Variants in GDPD4 observed in about 807,000 individuals in gnomAD.
GDPD4 encodes glycerophosphodiester phosphodiesterase 6.
A neutral mutation model predicts 67.8 loss-of-function variants in GDPD4; 60 were observed. The ratio of observed to expected loss-of-function variants is 0.88; its 90% CI spans 0.72 to 1.10. The LOEUF (loss-of-function observed/expected upper bound fraction) is 1.10. Ranked by LOEUF, GDPD4 falls within the 50% of genes least tolerant of loss-of-function variation. GDPD4 has a pLI of 0.00. For missense variants in GDPD4, 623 were observed against 613.9 expected, an observed-to-expected ratio of 1.01 and a Z score of -0.16; for synonymous variants, 212 against 210.9, an observed-to-expected ratio of 1.00 and a Z score of -0.04.
At chr11:77,233,310 C>T (rs919665982) in intron 13 of GDPD4, 138 bp from the exon 14 acceptor site, 11 of 726,842 alleles carry the variant, frequency 1.5e-5, no homozygotes, top group East Asian at 5.2e-5. Flanking sequence ...ATTCATGATA[C>T]GATGTGACAG....
At chr11:77,271,811 C>T (rs777428737) in intron 5 of GDPD4, among the ~76,000 whole-genome samples, 23 of 152,170 alleles carry the variant, frequency 1.5e-4, no homozygotes, top group Admixed American at 2.6e-4. Flanking sequence ...GCCTTTTCAA[C>T]GTCCGTTTTC....
chr11:77,246,135 A>G (rs1958780952), intron 11 of GDPD4, among the ~76,000 whole-genome samples: 1 of 152,180 alleles, frequency 6.6e-6, no homozygotes, highest in Non-Finnish European at 1.5e-5. Context: ...AAAAATTTTA[A>G]AATAGCTGGG....
chr11:77,296,787 C>T (rs1591587042), intron 1 of GDPD4, among the ~76,000 whole-genome samples: 1 of 151,298 alleles, frequency 6.6e-6, no homozygotes, highest in African/African-American at 2.4e-5. Flanking sequence ...TGGCCGGGTG[C>T]GGTGGCTCAT....
intron 11 of GDPD4, 72 bp from the exon 12 acceptor site, chr11:77,245,574 C>G (rs1216514830): frequency 2.0e-5 from 20 of 991,522 alleles, no homozygotes; most frequent in Non-Finnish European, 3.1e-5. Flanking sequence ...ACACATCCAG[C>G]TCTACCTCAG....
chr11:77,268,734 A>G (rs1959190901), intron 9 of GDPD4, among the ~76,000 whole-genome samples, 190 bp downstream of exon 9: 1 of 152,220 alleles, frequency 6.6e-6, no homozygotes. Flanking sequence ...CACTGGGCAC[A>G]GTAAAGAGAA....
intron 1 of GDPD4, among the ~76,000 whole-genome samples, chr11:77,290,187 C>G: frequency 6.6e-6 from 1 of 152,172 alleles, no homozygotes; most frequent in African/African-American, 2.4e-5. Context: ...AGAAACCAGT[C>G]AGACTAATAG....
At chr11:77,247,654 A>G (rs1385175062) in intron 11 of GDPD4, among the ~76,000 whole-genome samples, 2 of 152,226 alleles carry the variant, frequency 1.3e-5, no homozygotes, top group Non-Finnish European at 2.9e-5. Flanking sequence ...TGGTTCCTCA[A>G]ATAAAAATAA....
Position 77,297,531 on chromosome 11 carries a change from G to A in GDPD4, c.-254+4074C>T, listed in dbSNP as rs530707860. 2.9e-5 allele frequency among the ~76,000 whole-genome samples: 4 copies of A among 140,098 alleles called. No homozygotes were observed. In the East Asian group the frequency reaches 6.3e-4, roughly 22 times the overall value. The allele number at this position is 140,098 out of a possible 152,430, so 91.9% of individuals were successfully genotyped here. A position where few individuals can be genotyped will look rare whatever the true frequency, so the allele number is the denominator to read the frequency against. ...AGCCTGGACGACAGAGCGAGACTCC[G>A]TCTCAGAAAAAAAAAAAAAAAAAAG... On this transcript the variant is annotated intron_variant, in intron 1 of 16. Transcript: ENST00000315938.
At chr11:77,269,628 GGTT>G in intron 8 of GDPD4, among the ~76,000 whole-genome samples, 1 of 152,144 alleles carries the variant, frequency 6.6e-6, no homozygotes, top group South Asian at 2.1e-4. Context: ...CAACCTTATA[GGTT>G]GTTATGACAG....
rs2135888180 is a variant in GDPD4, at chr11:77,285,090, A to C, written c.48T>G (p.Phe16Leu). ...WIETSSEYFN[F>L]DWVTFLGTGY... ...CTACAAAAAGTGAAACTCACCAGTC[A>C]AAGTTAAAGTATTCACTGGATGTTT... is the stretch of plus-strand genomic sequence containing the variant. The change falls in exon 3 of 17, where the codon TTT becomes TTG. Residue 16 changes from phenylalanine to leucine, a missense_variant. Phe to Leu is a conservative substitution (Grantham distance 22). Transcript: ENST00000315938. 1 of 1,610,632 alleles carries C rather than the reference A, an allele frequency of 6.2e-7. No homozygotes were observed. The highest frequency in any genetic ancestry group is 1.3e-5 in the African/African-American group (1 of 74,944).
chr11:77,244,921 T>A (rs746296327), intron 12 of GDPD4, among the ~76,000 whole-genome samples: 2 of 152,204 alleles, frequency 1.3e-5, no homozygotes, highest in Non-Finnish European at 2.9e-5. Flanking sequence ...ATATCATTCA[T>A]CATGCCAAGT....
At chr11:77,252,310 C>T (rs989340422) in intron 11 of GDPD4, among the ~76,000 whole-genome samples, 2 of 151,930 alleles carry the variant, frequency 1.3e-5, no homozygotes, top group African/African-American at 2.4e-5. Context: ...GTGATCCAGC[C>T]GCCTCGGCCT....
At chr11:77,232,467 C>A (rs12287216) in intron 14 of GDPD4, among the ~76,000 whole-genome samples, 1 of 152,134 alleles carries the variant, frequency 6.6e-6, no homozygotes, top group South Asian at 2.1e-4. Context: ...TAAACCAGGT[C>A]TTCAGGTTCT....
intron 11 of GDPD4, among the ~76,000 whole-genome samples, chr11:77,256,112 C>T (rs905530631): frequency 2.0e-5 from 3 of 152,206 alleles, no homozygotes; most frequent in Non-Finnish European, 4.4e-5. Context: ...ATCAACTCTA[C>T]TGTTCCATCA....
intron 14 of GDPD4, among the ~76,000 whole-genome samples, chr11:77,229,861 C>A (rs1958422162): frequency 6.6e-6 from 1 of 152,140 alleles, no homozygotes; most frequent in South Asian, 2.1e-4. Context: ...TTTCCCAGAG[C>A]TCTGTCTTCT....
intron 10 of GDPD4, among the ~76,000 whole-genome samples, chr11:77,264,426 A>C (rs1959168119): frequency 6.6e-6 from 1 of 152,118 alleles, no homozygotes; most frequent in Admixed American, 6.6e-5. Flanking sequence ...CACAAATCTC[A>C]AAAATTCCAA....
At chr11:77,259,234 C>A (rs965463282) in intron 10 of GDPD4, among the ~76,000 whole-genome samples, 20 of 152,164 alleles carry the variant, frequency 1.3e-4, no homozygotes, top group African/African-American at 4.8e-4. Flanking sequence ...CCCACCTCAG[C>A]CTCCCAAAGT....
At position 77,257,721 on chromosome 11, in the gene GDPD4, C is replaced by CCATT. The variant is rs554082055; in HGVS notation, c.864+661_864+664dup. 5.1e-4 allele frequency among the ~76,000 whole-genome samples: 77 copies of CCATT among 152,248 alleles called. No homozygotes were observed. In the South Asian group the frequency reaches 0.015, roughly 30 times the overall value. ...TATTCCCCAACTTCTTCCAGAGGAA[C>CCATT]CATTCATACTTGCCTCAAAATTACA... is the stretch of plus-strand genomic sequence containing the variant. On this transcript the variant is annotated intron_variant, in intron 11 of 16. Transcript: ENST00000315938.
In GDPD4 at chr11:77,245,518, T is replaced by A; in HGVS notation, c.865-16A>T. The A allele has an allele frequency of 6.3e-7, 1 of 1,581,400 alleles. No homozygotes were observed. The highest frequency in any genetic ancestry group is 1.3e-5 in the African/African-American group (1 of 74,076). On this transcript the variant is annotated splice_polypyrimidine_tract_variant and intron_variant, in intron 11 of 16. Coordinates refer to ENST00000315938, the MANE Select transcript of GDPD4 (RefSeq NM_182833.3). ...ATGGCCTGAGCTAGAAACAAATACA[T>A]CAAAAAATACATAAAAGCACTTTCC... is the stretch of plus-strand genomic sequence containing the variant.
Sources: gnomAD v4.1 joint callset for allele counts (sites outside exome capture counted in the v4.1 genomes callset) on GRCh38, gnomAD v4.1.1 for gene constraint, MANE v1.5 for transcripts, NCBI Gene and HGNC (gene_info 2026-07-23, HGNC 2026-07-21) for gene names.